PIK3C2G: variants seen among roughly 807,000 people sequenced by gnomAD.
The protein encoded by PIK3C2G is phosphatidylinositol-4-phosphate 3-kinase catalytic subunit type 2 gamma, also known as phosphatidylinositol 3-kinase C2 domain-containing subunit gamma.
Under a neutral mutation model 181.1 loss-of-function variants are expected in PIK3C2G, and 168 were observed. The observed-to-expected ratio is 0.93, with a 90% CI of 0.82 to 1.05. The LOEUF (loss-of-function observed/expected upper bound fraction) is 1.05. Among genes scored for constraint, PIK3C2G ranks in the 50% least tolerant of loss-of-function variants. PIK3C2G has a pLI of 0.00. For missense variants in PIK3C2G, 1,869 were observed against 1,732.8 expected, an observed-to-expected ratio of 1.08 and a Z score of -1.40; for synonymous variants, 573 against 592.2, an observed-to-expected ratio of 0.97 and a Z score of 0.47.
At chr12:18,301,141 CTT>C (rs1293627003) in intron 5 of PIK3C2G, among the ~76,000 whole-genome samples, 2 of 152,084 alleles carry the variant, frequency 1.3e-5, no homozygotes, top group Admixed American at 6.5e-5. Flanking sequence ...TTACAATACT[CTT>C]TGTCTTTGGC....
At position 18,254,148 on chromosome 12, in the gene PIK3C2G, AAAACCAACCCTCTATTTTT is replaced by A. The variant is rs1185440822; in HGVS notation, c.-79+6067_-79+6085del. Among the ~76,000 whole-genome samples, 60 of 141,626 alleles carry A rather than the reference AAAACCAACCCTCTATTTTT, an allele frequency of 4.2e-4. 1 individual carries two copies. Among genetic ancestry groups the A allele is most frequent in the African/African-American group, 1.4e-3 (59 of 41,108 alleles). 92.9% of individuals were successfully genotyped at this position (141,626 alleles called of 152,430 possible). On this transcript the variant is annotated intron_variant, in intron 1 of 11. Coordinates refer to the PIK3C2G transcript ENST00000535651. ...ATTTTTAAAGAGTTAGAAGAATTTA[AAAACCAACCCTCTATTTTT>A]GTGTACTTTGTATTAGTTGTTGAAT...
Position 18,290,967 on chromosome 12 carries a change from A to G in PIK3C2G, c.874A>G (p.Ile292Val), listed in dbSNP as rs776699860. ...LFSKTKFNIH[I>V]FIDNSTQPLH... is the part of the protein sequence containing the mutation. ...TTCTAAGACCAAGTTTAATATACAT[A>G]TTTTTATTGATAACTCAACACAACC... The change falls in exon 4 of 33, where the codon ATT becomes GTT. Residue 292 changes from isoleucine to valine, a missense_variant. Ile to Val is a conservative substitution (Grantham distance 29). Coordinates refer to ENST00000538779, the MANE Select transcript of PIK3C2G (RefSeq NM_001288772.2). The G allele has an allele frequency of 6.3e-7, 1 of 1,597,412 alleles. No homozygotes were observed. Among genetic ancestry groups the G allele is most frequent in the East Asian group, 2.2e-5 (1 of 44,726 alleles).
At position 18,613,555 on chromosome 12, in the gene PIK3C2G, C is replaced by T. The variant is rs1302305691; in HGVS notation, c.4182+3926C>T. Among the ~76,000 whole-genome samples, 4 of 151,826 alleles carry T rather than the reference C, an allele frequency of 2.6e-5. No homozygotes were observed. The East Asian group carries it at 7.7e-4, about 29-fold the overall frequency. On this transcript the variant is annotated intron_variant, in intron 31 of 32. Coordinates refer to ENST00000538779, the MANE Select transcript of PIK3C2G (RefSeq NM_001288772.2). Reference sequence around the variant, plus strand: ...ATGTGTCTGAGTGTAGCCTGGGGGTCCTTGTTTTTAAAATACATATTTCTG... The same window carrying T: ...ATGTGTCTGAGTGTAGCCTGGGGGTTCTTGTTTTTAAAATACATATTTCTG...
the PIK3C2G span, among the ~76,000 whole-genome samples, chr12:18,725,478 C>A: frequency 2.6e-5 from 4 of 152,088 alleles, no homozygotes; most frequent in Non-Finnish European, 4.4e-5. Context: ...AGAGGAGCAG[C>A]TGGAAGAAAA....
rs137882189 is a variant in PIK3C2G at position 18,591,684 on chromosome 12, C to A, written c.4012-2810C>A. Among the ~76,000 whole-genome samples the A allele has an allele frequency of 4.6e-3, 698 of 152,048 alleles. 4 individuals carry two copies. Among genetic ancestry groups the A allele is most frequent in the Non-Finnish European group, 7.8e-3 (531 of 67,874 alleles). On this transcript the variant is annotated intron_variant, in intron 29 of 32. Coordinates refer to ENST00000538779, the MANE Select transcript of PIK3C2G (RefSeq NM_001288772.2). ...GAGCAGTCTTACAAGCTTTGTTCAG[C>A]AGTTGGTCTGTTTCCTAAGAGTAAT...
At chr12:18,414,220 G>A (rs1371163641) in intron 16 of PIK3C2G, among the ~76,000 whole-genome samples, 2 of 152,082 alleles carry the variant, frequency 1.3e-5, no homozygotes, top group Admixed American at 6.6e-5. Flanking sequence ...TTAGTCATGA[G>A]TTCGTAATTA....
the PIK3C2G span, among the ~76,000 whole-genome samples, chr12:18,667,716 T>C: frequency 3.0e-3 from 451 of 152,312 alleles, 4 homozygotes; most frequent in African/African-American, 9.9e-3. Context: ...TAAAAGTCTA[T>C]GAAATAAGCA....
At position 18,385,608 on chromosome 12, in the gene PIK3C2G, G is replaced by A. The variant is rs556791844; in HGVS notation, c.1995+3728G>A. On this transcript the variant is annotated intron_variant, in intron 14 of 32. Coordinates refer to ENST00000538779, the MANE Select transcript of PIK3C2G (RefSeq NM_001288772.2). ...TTTGGAGATGAATTCTCACTCTGTC[G>A]CCCAGGCTGGAGTGCAGTGGCGCGA... is the stretch of plus-strand genomic sequence containing the variant. Among the ~76,000 whole-genome samples the A allele has an allele frequency of 3.9e-5, 6 of 151,916 alleles. No homozygotes were observed. In the South Asian group the frequency reaches 6.3e-4, roughly 16 times the overall value.
the PIK3C2G span, among the ~76,000 whole-genome samples, chr12:18,673,925 C>T: frequency 6.6e-6 from 1 of 152,166 alleles, no homozygotes; most frequent in Non-Finnish European, 1.5e-5. Context: ...GCCAAGAAAA[C>T]AATTGTCTAC....
intron 32 of PIK3C2G, among the ~76,000 whole-genome samples, chr12:18,642,279 AT>A: frequency 2.0e-5 from 3 of 152,238 alleles, no homozygotes; most frequent in Middle Eastern, 3.4e-3. Context: ...TTTGAGTTAA[AT>A]TTTTAATAAA....
chr12:18,345,280 A>T (rs1939560679), intron 10 of PIK3C2G, among the ~76,000 whole-genome samples: 1 of 151,978 alleles, frequency 6.6e-6, no homozygotes. Context: ...ACACTGCTTT[A>T]CTCTTCCGCT....
intron 12 of PIK3C2G, 93 bp from the exon 13 acceptor site, chr12:18,371,087 A>G (rs1942022930): frequency 2.0e-6 from 2 of 997,084 alleles, no homozygotes; most frequent in Non-Finnish European, 2.7e-6. Context: ...ATAGTTAAAT[A>G]TCTTTGTCCC....
upstream of PIK3C2G, among the ~76,000 whole-genome samples, chr12:18,245,676 A>G (rs1223717519): frequency 6.6e-6 from 1 of 152,144 alleles, no homozygotes; most frequent in East Asian, 1.9e-4. Flanking sequence ...AAATTTAGTG[A>G]TAACAGAATT....
At chr12:18,276,157 C>A (rs1948977470) in intron 1 of PIK3C2G, among the ~76,000 whole-genome samples, 1 of 152,118 alleles carries the variant, frequency 6.6e-6, no homozygotes, top group South Asian at 2.1e-4. Flanking sequence ...ATTATTGTTT[C>A]TTCCTCAAAT....
In PIK3C2G at chr12:18,325,075, C is replaced by A; in HGVS notation, c.1249C>A (p.Leu417Met). 6.4e-7 allele frequency: 1 copy of A among 1,572,668 alleles called. No individual in the cohort carries two copies. The highest frequency in any genetic ancestry group is 8.7e-7 in the Non-Finnish European group (1 of 1,145,200). ...LTLIRKYDFH[L>M]KYLLKTQENV... ...ACTCATCAGAAAATATGACTTCCACCTGAAATACCTATTGAAAACCCAGGT... is the reference window on the plus strand; with the variant it reads ...ACTCATCAGAAAATATGACTTCCACATGAAATACCTATTGAAAACCCAGGT... The change falls in exon 8 of 33, where the codon CTG (leucine) becomes ATG (methionine). Residue 417 changes from leucine to methionine, a missense_variant. Coordinates refer to ENST00000538779, the MANE Select transcript of PIK3C2G (RefSeq NM_001288772.2).
intron 26 of PIK3C2G, among the ~76,000 whole-genome samples, chr12:18,558,648 G>T (rs2136315982): frequency 6.6e-6 from 1 of 152,190 alleles, no homozygotes; most frequent in South Asian, 2.1e-4. Flanking sequence ...ACTAGCTGTT[G>T]CTTCTGCCTA....
chr12:18,302,076 A>G (rs1479736531), intron 5 of PIK3C2G, among the ~76,000 whole-genome samples: 2 of 152,062 alleles, frequency 1.3e-5, no homozygotes, highest in African/African-American at 4.8e-5. Flanking sequence ...GGTGAATTAA[A>G]CCTCAGCTTC....
intron 3 of PIK3C2G, among the ~76,000 whole-genome samples, chr12:18,287,704 A>G (rs1177530664): frequency 1.3e-5 from 2 of 149,944 alleles, no homozygotes; most frequent in Non-Finnish European, 3.0e-5. Flanking sequence ...AAAAATATAA[A>G]AGAAAAAAAA....
downstream of PIK3C2G, among the ~76,000 whole-genome samples, chr12:18,651,942 T>A (rs1436925881): frequency 1.3e-5 from 2 of 152,136 alleles, no homozygotes; most frequent in Non-Finnish European, 2.9e-5. Context: ...TCAGCAGGGA[T>A]CTCTAAGGAT....
Sources: allele counts gnomAD v4.1 joint callset (sites outside exome capture counted in the v4.1 genomes callset), GRCh38; gene constraint gnomAD v4.1.1; transcripts MANE v1.5; gene names NCBI Gene and HGNC (gene_info 2026-07-23, HGNC 2026-07-21).